Variants in DOCK4 observed in about 807,000 individuals in gnomAD.
DOCK4 encodes dedicator of cytokinesis protein 4.
Under a neutral mutation model 268.1 loss-of-function variants are expected in DOCK4, and 97 were observed. The ratio of observed to expected loss-of-function variants is 0.36; its 90% CI spans 0.31 to 0.43. DOCK4 has a LOEUF of 0.43. Among genes scored for constraint, DOCK4 ranks in the 20% least tolerant of loss-of-function variants. The pLI is 1.00. For missense variants in DOCK4, 2,145 were observed against 2,455.7 expected (o/e 0.87, Z 2.67); for synonymous variants, 954 against 887.2 (o/e 1.08, Z -1.34).
In DOCK4 at chr7:112,000,475, T is replaced by G. The variant is rs764715666; in HGVS notation, c.162+19A>C. 7.2e-7 allele frequency: 1 copy of G among 1,381,308 alleles called. No individual in the cohort carries two copies. The highest frequency in any genetic ancestry group is 1.0e-6 in the Non-Finnish European group (1 of 1,001,862). The allele number at this position is 1,381,308 out of a possible 1,614,324, so 85.6% of individuals were successfully genotyped here. ...TCTTAATAAATTTCATAATTATAGT[T>G]AGAAATAACAATTTTTACCTTGATA... On this transcript the variant is annotated intron_variant, in intron 3 of 52. Coordinates refer to ENST00000428084, the MANE Select transcript of DOCK4 (RefSeq NM_001363540.2).
intron 1 of DOCK4, among the ~76,000 whole-genome samples, chr7:112,060,328 G>A (rs1408719413): frequency 6.6e-6 from 1 of 152,146 alleles, no homozygotes; most frequent in Non-Finnish European, 1.5e-5. Flanking sequence ...AACAAATGTT[G>A]GTGAGGATAT....
In DOCK4 at chr7:111,849,515, G is replaced by A. The variant is rs543782548; in HGVS notation, c.2474-2389C>T. 3.9e-5 allele frequency among the ~76,000 whole-genome samples: 6 copies of A among 152,068 alleles called. No individual in the cohort carries two copies. In the East Asian group the frequency reaches 7.7e-4, roughly 20 times the overall value. On this transcript the variant is annotated intron_variant, in intron 23 of 52. Transcript: ENST00000428084. ...TGACCTCAGGTGATCCACCCTCCTC[G>A]GCCTCCCAAAGTGCTGGGATTACTT...
chr7:111,851,707 G>C (rs1355125815), intron 23 of DOCK4, among the ~76,000 whole-genome samples: 1 of 151,996 alleles, frequency 6.6e-6, no homozygotes, highest in African/African-American at 2.4e-5. Flanking sequence ...TGAAATACTA[G>C]CCTCAGTCTT....
At chr7:112,011,745 TCAAAAAAAAAA>T (rs1305404546) in intron 1 of DOCK4, among the ~76,000 whole-genome samples, 3 of 89,758 alleles carry the variant, frequency 3.3e-5, no homozygotes, top group South Asian at 3.3e-4. Flanking sequence ...GAACTGAAGG[TCAAAAAAAAAA>T]CAAAAAAAAA....
rs1177803424 is a variant in DOCK4, at chr7:111,739,481, G to A, written c.5041-4C>T. On this transcript the variant is annotated splice_region_variant and splice_polypyrimidine_tract_variant and intron_variant, in intron 47 of 52. Coordinates refer to ENST00000428084, the MANE Select transcript of DOCK4 (RefSeq NM_001363540.2). ...AGCTTGAGGTAGATGGACTTGGCTG[G>A]AAACACACAGGGAGCTATTATCATA... The A allele has an allele frequency of 1.3e-6, 2 of 1,561,474 alleles. No homozygotes were observed. Among genetic ancestry groups the A allele is most frequent in the Middle Eastern group, 1.7e-4 (1 of 6,040 alleles).
chr7:111,935,704 C>T, intron 11 of DOCK4, 76 bp from the exon 12 acceptor site: 7 of 1,301,854 alleles, frequency 5.4e-6, no homozygotes, highest in Non-Finnish European at 7.7e-6. Context: ...TACATCTGCC[C>T]TTTTCGTTAT....
chr7:112,071,870 G>A (rs1381149259), intron 1 of DOCK4, among the ~76,000 whole-genome samples: 1 of 152,130 alleles, frequency 6.6e-6, no homozygotes, highest in African/African-American at 2.4e-5. Context: ...CAAAGGAAGG[G>A]TAAAGAATTA....
intron 1 of DOCK4, among the ~76,000 whole-genome samples, chr7:112,076,566 C>T (rs1273986268): frequency 6.6e-6 from 1 of 152,024 alleles, no homozygotes; most frequent in Admixed American, 6.6e-5. Context: ...ATATGTTTTG[C>T]AATATTTGGA....
intron 1 of DOCK4, among the ~76,000 whole-genome samples, chr7:112,186,084 A>G (rs1819478386): frequency 1.3e-5 from 2 of 152,142 alleles, no homozygotes; most frequent in African/African-American, 2.4e-5. Context: ...TCCTCGGGGG[A>G]TCTCCATTGG....
At chr7:111,854,343 C>T (rs1166348621) in intron 23 of DOCK4, among the ~76,000 whole-genome samples, 2 of 152,192 alleles carry the variant, frequency 1.3e-5, no homozygotes, top group Non-Finnish European at 2.9e-5. Flanking sequence ...CTGTTCCATT[C>T]TAATTACCAG....
At chr7:112,048,315 G>A (rs186589791) in intron 1 of DOCK4, among the ~76,000 whole-genome samples, 42 of 151,140 alleles carry the variant, frequency 2.8e-4, no homozygotes, top group Admixed American at 6.6e-4. Flanking sequence ...AGGCTGAGGC[G>A]GGTGGACTAC....
intron 42 of DOCK4, among the ~76,000 whole-genome samples, chr7:111,753,762 C>T (rs1156299603): frequency 5.9e-5 from 9 of 152,152 alleles, no homozygotes; most frequent in Admixed American, 1.3e-4. Context: ...TAGCTTTAAT[C>T]GACAGTGAGG....
Position 112,002,752 on chromosome 7 carries a change from A to G in DOCK4, c.121+1296T>C, listed in dbSNP as rs115997033. Among the ~76,000 whole-genome samples the G allele has an allele frequency of 3.2e-3, 482 of 152,284 alleles. 3 individuals are homozygous for G. Among genetic ancestry groups the G allele is most frequent in the African/African-American group, 0.011 (451 of 41,548 alleles). On this transcript the variant is annotated intron_variant, in intron 2 of 52. Transcript: ENST00000428084. ...GCTCTAAAATGTAGTCATTTTGTTA[A>G]CAAGAAAAGCTGGGTGGCCGGGCAT...
At chr7:112,091,799 T>C (rs1219170624) in intron 1 of DOCK4, among the ~76,000 whole-genome samples, 3 of 152,156 alleles carry the variant, frequency 2.0e-5, no homozygotes, top group African/African-American at 7.2e-5. Context: ...AATCCACAAC[T>C]TACACCCATA....
chr7:111,799,700 C>T (rs115591500), intron 30 of DOCK4, among the ~76,000 whole-genome samples: 2,672 of 152,320 alleles, frequency 0.018, 84 homozygotes, highest in African/African-American at 0.06. Flanking sequence ...AATCCCACTC[C>T]TACCTAACCT....
intron 1 of DOCK4, among the ~76,000 whole-genome samples, chr7:112,059,421 C>T (rs57018478): frequency 4.3e-4 from 66 of 152,094 alleles, no homozygotes; most frequent in African/African-American, 1.6e-3. Flanking sequence ...GGATTACAGG[C>T]GCGAGCCACC....
At position 111,977,242 on chromosome 7, in the gene DOCK4, G is replaced by C; in HGVS notation, c.591C>G (p.Ala197=). The C allele has an allele frequency of 6.2e-7, 1 of 1,608,918 alleles. No homozygotes were observed. Among genetic ancestry groups the C allele is most frequent in the Non-Finnish European group, 8.5e-7 (1 of 1,177,616 alleles). The change falls in exon 8 of 53, where the codon GCC becomes GCG. Residue 197 remains alanine, a synonymous_variant. Transcript: ENST00000428084. ...TCTGGACAAAGAGGTGGTGACTGCT[G>C]GCCTGCACCGGGGTGTCTTTCTTCC... The part of the protein sequence containing the change: ...RHRKKDTPVQ[A]SSHHLFVQMK...
chr7:112,158,179 A>G (rs1438764457), intron 1 of DOCK4, among the ~76,000 whole-genome samples: 1 of 152,160 alleles, frequency 6.6e-6, no homozygotes, highest in African/African-American at 2.4e-5. Context: ...ACATTCTCAG[A>G]TTGTGCTGAT....
At chr7:112,192,708 T>C (rs1170243421) in intron 1 of DOCK4, among the ~76,000 whole-genome samples, 2 of 152,212 alleles carry the variant, frequency 1.3e-5, no homozygotes, top group African/African-American at 4.8e-5. Flanking sequence ...GAAACATTTC[T>C]AGCTCCTTCA....
Sources: gnomAD v4.1 joint callset for allele counts (sites outside exome capture counted in the v4.1 genomes callset) on GRCh38, gnomAD v4.1.1 for gene constraint, MANE v1.5 for transcripts, NCBI Gene and HGNC (gene_info 2026-07-23, HGNC 2026-07-21) for gene names.